ACSS1: variants seen among roughly 807,000 people sequenced by gnomAD.
ACSS1 encodes acyl-CoA synthetase short chain family member 1.
In ACSS1, 42 loss-of-function variants were observed where a neutral mutation model predicts 75.3. The observed-to-expected ratio is 0.56, with a 90% CI of 0.44 to 0.72. ACSS1 has a LOEUF of 0.72. Ranked by LOEUF, ACSS1 falls within the 30% of genes least tolerant of loss-of-function variation. ACSS1 has a pLI of 0.00. For synonymous variants in ACSS1, 380 were observed against 376.8 expected, an observed-to-expected ratio of 1.01 and a Z score of -0.10; for missense variants, 782 against 935.7, an observed-to-expected ratio of 0.84 and a Z score of 2.14.
At chr20:25,022,128 G>A (rs1035148631) in intron 5 of ACSS1, among the ~76,000 whole-genome samples, 2 of 152,158 alleles carry the variant, frequency 1.3e-5, no homozygotes, top group Admixed American at 1.3e-4. Flanking sequence ...AGGCCAAGGC[G>A]GGCAGATCAC....
intron 1 of ACSS1, among the ~76,000 whole-genome samples, chr20:25,056,227 A>G (rs1313479866): frequency 3.3e-5 from 5 of 152,138 alleles, no homozygotes; most frequent in African/African-American, 1.2e-4. Flanking sequence ...AATGTTCCCC[A>G]TGACCTTGGC....
chr20:25,046,854 C>T (rs774152562), intron 2 of ACSS1: 7 of 779,598 alleles, frequency 9.0e-6, no homozygotes, highest in Admixed American at 1.7e-5. Flanking sequence ...ATGGGCCACA[C>T]GGCATCTGCA....
chr20:25,014,040 G>C lies in ACSS1; in HGVS notation c.1373C>G (p.Ser458Trp). ...TGGICIAPRP[S>W]EEGAEILPAM... The stretch of plus-strand genomic sequence containing the variant: ...AGGGAGGATTTCCGCCCCTTCTTCC[G>C]AGGGCCGTGGTGCGATGCAGATGCC... Residue 458 changes from serine to tryptophan, a missense_variant, in exon 9 of 14, where the codon TCG (serine) becomes TGG (tryptophan). Physicochemically the swap from Ser to Trp is radical, Grantham distance 177. Around this residue, in one of 2 missense-constraint regions of ACSS1, gnomAD observed 405 missense variants for 552.6 expected, o/e 0.73. Transcript: ENST00000323482. 6.2e-7 allele frequency: 1 copy of C among 1,612,782 alleles called. No homozygotes were observed. Among genetic ancestry groups the C allele is most frequent in the South Asian group, 1.1e-5 (1 of 90,876 alleles).
intron 1 of ACSS1, among the ~76,000 whole-genome samples, chr20:25,051,677 A>G (rs1304070343): frequency 1.3e-5 from 2 of 152,118 alleles, no homozygotes; most frequent in Non-Finnish European, 2.9e-5. Flanking sequence ...AAGATTTCCA[A>G]TGGTTTTCTT....
chr20:25,016,699 G>C (rs2088522597), intron 7 of ACSS1, among the ~76,000 whole-genome samples: 1 of 152,242 alleles, frequency 6.6e-6, no homozygotes, highest in South Asian at 2.1e-4. Context: ...CCGCAGCGCT[G>C]GTGGACACGC....
rs141969878 is a variant in ACSS1, at chr20:25,051,715, A to G, written c.335-3534T>C. On this transcript the variant is annotated intron_variant, in intron 1 of 13. Transcript: ENST00000323482. ...TCCTTTGGGACAGGGGTGATTACAC[A>G]TACTTGCCAGCCTCATGAGCCACTG... 4.5e-3 allele frequency among the ~76,000 whole-genome samples: 684 copies of G among 152,316 alleles called. 8 individuals are homozygous for G. The highest frequency in any genetic ancestry group is 0.016 in the African/African-American group (668 of 41,556).
At chr20:25,043,832 T>C (rs1306898585) in intron 2 of ACSS1, among the ~76,000 whole-genome samples, 1 of 152,160 alleles carries the variant, frequency 6.6e-6, no homozygotes, top group Non-Finnish European at 1.5e-5. Flanking sequence ...GAATCCCTCC[T>C]TTTACAGATG....
intron 3 of ACSS1, 73 bp downstream of exon 3, chr20:25,030,686 C>T (rs2088806328): frequency 1.9e-6 from 3 of 1,555,190 alleles, no homozygotes; most frequent in South Asian, 2.3e-5. Context: ...GGTCTCTACA[C>T]TGATGGCCAG....
chr20:25,036,524 G>A (rs1174218434), intron 2 of ACSS1, among the ~76,000 whole-genome samples: 1 of 151,564 alleles, frequency 6.6e-6, no homozygotes, highest in Non-Finnish European at 1.5e-5. Context: ...AAATACACTG[G>A]TATTTATTTT....
chr20:25,015,300 T>C, intron 7 of ACSS1, 70 bp from the exon 8 acceptor site: 1 of 1,321,058 alleles, frequency 7.6e-7, no homozygotes, highest in Non-Finnish European at 1.1e-6. Context: ...GGAAGTTTTG[T>C]TTTTTGTTTT....
At chr20:25,011,248 C>T (rs1408770806) in intron 12 of ACSS1, 1 of 152,240 alleles carries the variant, frequency 6.6e-6, no homozygotes, top group East Asian at 1.9e-4. Context: ...TTGTGATGCC[C>T]AAACGTTTGT....
In ACSS1 at chr20:25,023,110, C is replaced by T; in HGVS notation, c.808-18G>A. ...GCCATTTCCTGGCAGGGAGAAGAAA[C>T]AAACAGCCCACCGAGGGCACTCAGC... On this transcript the variant is annotated intron_variant, in intron 4 of 13. Transcript: ENST00000323482. The T allele has an allele frequency of 5.0e-6, 8 of 1,606,358 alleles. No homozygotes were observed. The highest frequency in any genetic ancestry group is 6.8e-6 in the Non-Finnish European group (8 of 1,176,016).
At chr20:25,037,576 T>C (rs938301171) in intron 2 of ACSS1, among the ~76,000 whole-genome samples, 2 of 152,222 alleles carry the variant, frequency 1.3e-5, no homozygotes, top group Non-Finnish European at 2.9e-5. Flanking sequence ...TGATGGGGGC[T>C]GGGGAAGGCC....
At position 25,007,421 on chromosome 20, in the gene ACSS1, C is replaced by T. The variant is rs1231921692; in HGVS notation, c.*341G>A. On this transcript the variant is annotated 3_prime_UTR_variant, in exon 14 of 14. Coordinates refer to ENST00000323482, the MANE Select transcript of ACSS1 (RefSeq NM_032501.4). ...TACTAGCTAACTAGCTCTGTGTTATCTGAGCAGGCGCGCTATCCCAGGGCC... is the reference window on the plus strand; with the variant it reads ...TACTAGCTAACTAGCTCTGTGTTATTTGAGCAGGCGCGCTATCCCAGGGCC... The T allele has an allele frequency of 2.6e-6, 3 of 1,148,830 alleles. No homozygotes were observed. The East Asian group carries it at 1.5e-4, about 59-fold the overall frequency. 71.2% of individuals were successfully genotyped at this position (1,148,830 alleles called of 1,614,324 possible).
At chr20:25,025,666 G>A (rs143256131) in intron 3 of ACSS1, among the ~76,000 whole-genome samples, 12 of 152,262 alleles carry the variant, frequency 7.9e-5, no homozygotes, top group African/African-American at 1.2e-4. Context: ...TCAGTTCCAC[G>A]CGACTGAGGG....
intron 10 of ACSS1, among the ~76,000 whole-genome samples, 156 bp from the exon 11 acceptor site, chr20:25,013,095 G>A (rs1209437875): frequency 6.6e-6 from 1 of 152,212 alleles, no homozygotes; most frequent in Non-Finnish European, 1.5e-5. Flanking sequence ...TCTAGAGCAT[G>A]GGCAGGTGGC....
intron 7 of ACSS1, among the ~76,000 whole-genome samples, chr20:25,016,978 C>CTT (rs796265145): frequency 1.4e-5 from 2 of 145,436 alleles, no homozygotes; most frequent in Non-Finnish European, 1.5e-5. Flanking sequence ...AAAACTTCAG[C>CTT]TTTTTTTTTT....
chr20:25,021,599 TCA>T (rs2088626997), intron 5 of ACSS1, 63 bp from the exon 6 acceptor site: 10 of 1,578,572 alleles, frequency 6.3e-6, no homozygotes, highest in Non-Finnish European at 8.6e-6. Context: ...TCACACCAGG[TCA>T]CTAGGAAATA....
At chr20:25,052,531 C>G (rs1712313954) in intron 1 of ACSS1, among the ~76,000 whole-genome samples, 1 of 152,270 alleles carries the variant, frequency 6.6e-6, no homozygotes, top group African/African-American at 2.4e-5. Flanking sequence ...ATCATGTAGA[C>G]TGGCGTTGGG....
Sources: gnomAD v4.1 joint callset for allele counts (sites outside exome capture counted in the v4.1 genomes callset) on GRCh38, gnomAD v4.1.1 for gene constraint, gnomAD v4.1.1 regional missense constraint, MANE v1.5 for transcripts, NCBI Gene and HGNC (gene_info 2026-07-23, HGNC 2026-07-21) for gene names.